ATP13A2: variants seen among roughly 807,000 people sequenced by gnomAD.
The protein encoded by ATP13A2 is ATPase cation transporting 13A2.
ATP13A2 carries 83 observed loss-of-function variants against 138.3 expected under a neutral mutation model. The observed-to-expected ratio is 0.60, with a 90% CI of 0.50 to 0.72. The LOEUF (loss-of-function observed/expected upper bound fraction) is 0.72, where lower values mean the gene tolerates loss of function less well. Ranked by LOEUF, ATP13A2 falls within the 30% of genes least tolerant of loss-of-function variation. The pLI is 0.00. For synonymous variants in ATP13A2, 663 were observed against 699.0 expected (o/e 0.95, Z 0.81); for missense variants, 1,402 against 1,606.4 (o/e 0.87, Z 2.17).
Position 16,996,128 on chromosome 1 carries a change from G to A in ATP13A2, c.1390C>T (p.Leu464=). 6.2e-7 allele frequency: 1 copy of A among 1,614,126 alleles called. No individual in the cohort carries two copies. Among genetic ancestry groups the A allele is most frequent in the Non-Finnish European group, 8.5e-7 (1 of 1,180,036 alleles). The change falls in exon 15 of 29, where the codon CTG becomes TTG. Residue 464 remains leucine, a synonymous_variant. Transcript: ENST00000326735. ...GCAGGTGGCACCACCACGGTCACCA[G>A]GTCGAGAGCCCGGATTACAATCTCA... ...LNEIVIRALD[L]VTVVVPPALP... is the part of the protein sequence containing the mutation.
At chr1:16,990,357 G>GA (rs1211353612) in intron 20 of ATP13A2, 70 bp from the exon 21 acceptor site, 6 of 1,585,142 alleles carry the variant, frequency 3.8e-6, no homozygotes, top group Non-Finnish European at 5.2e-6. Flanking sequence ...GATCCTTACA[G>GA]ATGGGAAAAC....
chr1:16,997,425 G>GGGGGGGGGA, intron 11 of ATP13A2, among the ~76,000 whole-genome samples: 2 of 138,056 alleles, frequency 1.4e-5, no homozygotes, highest in African/African-American at 2.7e-5. Context: ...GGGGGGGGGT[G>GGGGGGGGGA]GGTCAGACAG....
Position 16,988,360 on chromosome 1 carries a change from C to T in ATP13A2, c.2724G>A (p.Ser908=), listed in dbSNP as rs79724242. ...GCACGCACTCAATACTGGCCATGCT[C>T]GAGGTGAAGGGTGAGACCACTGAGG... is the stretch of plus-strand genomic sequence containing the variant. ...AEASVVSPFT[S]SMASIECVPM... The change falls in exon 24 of 29, where the codon TCG becomes TCA. Residue 908 remains serine, a synonymous_variant. Coordinates refer to ENST00000326735, the MANE Select transcript of ATP13A2 (RefSeq NM_022089.4). The T allele has an allele frequency of 6.3e-4, 1,024 of 1,614,150 alleles. 8 individuals are homozygous for T. In the African/African-American group the frequency reaches 0.011, roughly 18 times the overall value.
chr1:17,011,303 T>C lies in ATP13A2; in HGVS notation c.10+426A>G, dbSNP rs993136631. On this transcript the variant is annotated intron_variant, in intron 1 of 28. Coordinates refer to ENST00000326735, the MANE Select transcript of ATP13A2 (RefSeq NM_022089.4). The surrounding 1 kb of genome is among the most constrained non-coding windows in gnomAD (Gnocchi z 7.3). Reference sequence around the variant, plus strand: ...CGACTCCCCCAACGCCATTCATTCATTCATTCAGCCCAGAGGGGTTGCCCA... The same window carrying C: ...CGACTCCCCCAACGCCATTCATTCACTCATTCAGCCCAGAGGGGTTGCCCA... Among the ~76,000 whole-genome samples, 10 of 152,052 alleles carry C rather than the reference T, an allele frequency of 6.6e-5. No homozygotes were observed. Among genetic ancestry groups the C allele is most frequent in the African/African-American group, 1.2e-4 (5 of 41,424 alleles).
At chr1:16,989,860 C>T (rs371083479) in intron 22 of ATP13A2, 27 bp downstream of exon 22, 147 of 1,608,214 alleles carry the variant, frequency 9.1e-5, no homozygotes, top group Non-Finnish European at 1.2e-4. Flanking sequence ...AGGCGCAGGG[C>T]GGCCAGGGAG....
chr1:16,999,101 C>CA (rs1231796478), intron 11 of ATP13A2, among the ~76,000 whole-genome samples: 1 of 152,062 alleles, frequency 6.6e-6, no homozygotes, highest in Non-Finnish European at 1.5e-5. Flanking sequence ...TCAGATGCAG[C>CA]CAGGTGCTAT....
At chr1:17,002,180 C>T (rs573442867) in intron 7 of ATP13A2, 77 bp from the exon 8 acceptor site, 663 of 1,576,954 alleles carry the variant, frequency 4.2e-4, no homozygotes, top group Non-Finnish European at 5.2e-4. Flanking sequence ...GAGCTCCCCA[C>T]TTTCAGCTGG....
Position 17,004,514 on chromosome 1 carries a change from G to A in ATP13A2, c.478-103C>T. The A allele has an allele frequency of 6.5e-7, 1 of 1,533,810 alleles. No individual in the cohort carries two copies. Among genetic ancestry groups the A allele is most frequent in the South Asian group, 1.2e-5 (1 of 86,928 alleles). On this transcript the variant is annotated intron_variant, in intron 5 of 28. Transcript: ENST00000326735. This position sits in a 1 kb window ranked among gnomAD's most constrained non-coding sequence, Gnocchi z 4.1. ...GGATGGGGGTAGGGGGCAGGGACTG[G>A]TGTCACCAGACAGAGAGGTGGGGAG...
intron 11 of ATP13A2, among the ~76,000 whole-genome samples, chr1:16,997,717 TG>T (rs2077193830): frequency 6.6e-6 from 1 of 152,010 alleles, no homozygotes; most frequent in Non-Finnish European, 1.5e-5. Context: ...GGTGGGCATC[TG>T]TAATCCCAGC....
Position 17,005,752 on chromosome 1 carries a change from G to T in ATP13A2, c.37C>A (p.Pro13Thr), listed in dbSNP as rs1438068941. The T allele has an allele frequency of 6.2e-7, 1 of 1,612,466 alleles. No individual in the cohort carries two copies. The highest frequency in any genetic ancestry group is 8.5e-7 in the Non-Finnish European group (1 of 1,179,324). ...ATCGTCAGGGTCCCATAACCGGTGG[G>T]CGTGCTGCCCACGAGAGGGCTGCTG... ...ADSSPLVGST[P>T]TGYGTLTIGT... Residue 13 changes from proline (P) to threonine (T), a missense_variant, in exon 2 of 29, where the codon CCC (proline) becomes ACC (threonine). Transcript: ENST00000326735.
rs2076871746 is a variant in ATP13A2, at chr1:16,990,025, C to G, written c.2413-22G>C. The G allele has an allele frequency of 1.9e-6, 3 of 1,613,066 alleles. No homozygotes were observed. In the South Asian group the frequency reaches 3.3e-5, roughly 18 times the overall value. On this transcript the variant is annotated intron_variant, in intron 21 of 28. Coordinates refer to ENST00000326735, the MANE Select transcript of ATP13A2 (RefSeq NM_022089.4). ...GATCCTGGGGGCCCAGGAAGCTCAG[C>G]TTAGCTCCCCCTGCCCACCCTGGAG...
intron 25 of ATP13A2, among the ~76,000 whole-genome samples, chr1:16,987,585 C>T (rs939980022): frequency 6.6e-6 from 1 of 152,176 alleles, no homozygotes; most frequent in Admixed American, 6.5e-5. Flanking sequence ...CCTATAGCTA[C>T]CAGGGCATGC....
chr1:16,989,105 AG>A (rs1292268785), intron 23 of ATP13A2, among the ~76,000 whole-genome samples: 1 of 130,242 alleles, frequency 7.7e-6, no homozygotes, highest in African/African-American at 3.0e-5. Context: ...TAGTAGAGAC[AG>A]GGTTTCACCA....
At chr1:17,006,503 G>C (rs964598208) in intron 1 of ATP13A2, among the ~76,000 whole-genome samples, 1 of 152,060 alleles carries the variant, frequency 6.6e-6, no homozygotes, top group Non-Finnish European at 1.5e-5. Context: ...TGCCCACTTT[G>C]GCCTCCCAAA....
chr1:16,986,307 G>A lies in ATP13A2; in HGVS notation c.3457C>T (p.Arg1153Trp), dbSNP rs1197349768. ...PACLRRLRPKRASKKRFKQLE... is the reference protein window; with the variant it reads ...PACLRRLRPKWASKKRFKQLE... ...TGCTTGAAGCGCTTCTTGGAGGCCC[G>A]CTTGGGCCGGAGGCGGCGCAGGCAG... Residue 1153 changes from arginine (R) to tryptophan (W), a missense_variant, in exon 29 of 29, where the codon CGG (arginine) becomes TGG (tryptophan). Arg to Trp is a moderately radical substitution (Grantham distance 101). Coordinates refer to ENST00000326735, the MANE Select transcript of ATP13A2 (RefSeq NM_022089.4). This position sits in a 1 kb window ranked among gnomAD's most constrained non-coding sequence, Gnocchi z 6.9. 5.0e-6 allele frequency: 8 copies of A among 1,593,428 alleles called. No individual in the cohort carries two copies. Among genetic ancestry groups the A allele is most frequent in the South Asian group, 1.1e-5 (1 of 88,478 alleles).
chr1:17,011,699 G>A lies in ATP13A2; in HGVS notation c.10+30C>T, dbSNP rs770242488. The A allele has an allele frequency of 9.4e-6, 14 of 1,485,440 alleles. No individual in the cohort carries two copies. Among genetic ancestry groups the A allele is most frequent in the Non-Finnish European group, 1.2e-5 (14 of 1,124,320 alleles). 92.0% of individuals were successfully genotyped at this position (1,485,440 alleles called of 1,614,324 possible). Reference sequence around the variant, plus strand: ...ACTGGCGGGCCGGGGACCGCGCCGGGCTCGGGGCCGACCCGGACTCCGCAC... The same window carrying A: ...ACTGGCGGGCCGGGGACCGCGCCGGACTCGGGGCCGACCCGGACTCCGCAC... On this transcript the variant is annotated intron_variant, in intron 1 of 28. Coordinates refer to ENST00000326735, the MANE Select transcript of ATP13A2 (RefSeq NM_022089.4). This position sits in a 1 kb window ranked among gnomAD's most constrained non-coding sequence, Gnocchi z 7.3.
rs1454323791 is a variant in ATP13A2 at position 16,986,013 on chromosome 1, T to C, written c.*208A>G. On this transcript the variant is annotated 3_prime_UTR_variant, in exon 29 of 29. Coordinates refer to ENST00000326735, the MANE Select transcript of ATP13A2 (RefSeq NM_022089.4). This position sits in a 1 kb window ranked among gnomAD's most constrained non-coding sequence, Gnocchi z 6.9. ...CACTGACAGCAGCACTGAGGGGAGC[T>C]GGGGGCTGCCACCCCTACGCGGGAT... is the stretch of plus-strand genomic sequence containing the variant. 2.7e-6 allele frequency: 4 copies of C among 1,457,808 alleles called. 1 individual carries two copies. The South Asian group carries it at 5.8e-5, about 21-fold the overall frequency. 90.3% of individuals were successfully genotyped at this position (1,457,808 alleles called of 1,614,324 possible).
intron 6 of ATP13A2, among the ~76,000 whole-genome samples, chr1:17,003,165 G>T (rs1026908579): frequency 6.6e-6 from 1 of 152,090 alleles, no homozygotes; most frequent in Non-Finnish European, 1.5e-5. Context: ...ACCTCCCTCC[G>T]TGCTTCCATC....
At position 16,992,053 on chromosome 1, in the gene ATP13A2, T is replaced by C. The variant is rs1303061130; in HGVS notation, c.2082A>G (p.Pro694=). The part of the protein sequence containing the change: ...GYRVVALASK[P]LPTVPSLEAA... Reference sequence around the variant, plus strand: ...CCTCCAGGCTGGGCACAGTGGGCAGTGGCTTGCTGGCCAGGGCCACGACAC... The same window carrying C: ...CCTCCAGGCTGGGCACAGTGGGCAGCGGCTTGCTGGCCAGGGCCACGACAC... The change falls in exon 19 of 29, where the codon CCA becomes CCG. Residue 694 remains proline, a synonymous_variant. Transcript: ENST00000326735. 7 of 1,613,240 alleles carry C rather than the reference T, an allele frequency of 4.3e-6. No individual in the cohort carries two copies. Among genetic ancestry groups the C allele is most frequent in the Non-Finnish European group, 5.9e-6 (7 of 1,179,774 alleles).
Sources: allele counts gnomAD v4.1 joint callset (sites outside exome capture counted in the v4.1 genomes callset), GRCh38; gene constraint gnomAD v4.1.1; non-coding constraint Gnocchi (gnomAD v3.1); transcripts MANE v1.5; gene names NCBI Gene and HGNC (gene_info 2026-07-23, HGNC 2026-07-21).